MAP4: variants seen among roughly 807,000 people sequenced by gnomAD.
The protein encoded by MAP4 is microtubule associated protein 4, also known as microtubule-associated protein 4.
In MAP4, 76 loss-of-function variants were observed where a neutral mutation model predicts 170.2. The ratio of observed to expected loss-of-function variants is 0.45; its 90% CI spans 0.37 to 0.54. MAP4 has a LOEUF of 0.54. MAP4 is among the 20% of genes least tolerant of loss of function. The pLI is 0.00. For synonymous variants in MAP4, 909 were observed against 994.5 expected (o/e 0.91, Z 1.62); for missense variants, 2,506 against 2,748.0 (o/e 0.91, Z 1.97).
At chr3:47,999,115 T>C (rs1445845554) in intron 1 of MAP4, among the ~76,000 whole-genome samples, 1 of 151,308 alleles carries the variant, frequency 6.6e-6, no homozygotes, top group African/African-American at 2.4e-5. Flanking sequence ...TGGAGGGAGG[T>C]GGTGGTGGCA....
At chr3:47,861,317 T>A (rs1247332563) in intron 17 of MAP4, among the ~76,000 whole-genome samples, 1 of 151,372 alleles carries the variant, frequency 6.6e-6, no homozygotes, top group Non-Finnish European at 1.5e-5. Context: ...GATCGTGCCA[T>A]TGCACTCCAC....
rs2052133630 is a variant in MAP4 at position 47,854,893 on chromosome 3, A to T, written c.6696+355T>A. On this transcript the variant is annotated intron_variant, in intron 19 of 20. Transcript: ENST00000683076. ...GGGAACCCACATTCCCCTTGGCGCGAGACAGCTGGGGAGAACTGTGTGGTG... is the reference window on the plus strand; with the variant it reads ...GGGAACCCACATTCCCCTTGGCGCGTGACAGCTGGGGAGAACTGTGTGGTG... Among the ~76,000 whole-genome samples the T allele has an allele frequency of 2.0e-5, 3 of 152,236 alleles. No individual in the cohort carries two copies. The South Asian group carries it at 6.2e-4, about 31-fold the overall frequency.
At position 47,914,888 on chromosome 3, in the gene MAP4, G is replaced by T; in HGVS notation, c.1928C>A (p.Ser643Tyr). 1.2e-6 allele frequency: 2 copies of T among 1,614,106 alleles called. No individual in the cohort carries two copies. Among genetic ancestry groups the T allele is most frequent in the East Asian group, 4.5e-5 (2 of 44,868 alleles). Residue 643 changes from serine (S) to tyrosine (Y), a missense_variant, in exon 8 of 21, where the codon TCT becomes TAT. Physicochemically the swap from Ser to Tyr is moderately radical, Grantham distance 144. This residue lies in a region of MAP4 where 2,008 missense variants were observed against 2,206.0 expected (regional missense o/e 0.91). Coordinates refer to ENST00000683076, the MANE Select transcript of MAP4 (RefSeq NM_001385682.1). Reference protein sequence around the residue: ...KKCSLPAEEDSVLEKLGERKP... With the variant: ...KKCSLPAEEDYVLEKLGERKP... ...CCTTTCCCCTAGTTTTTCTAACACAGAATCCTCCTCGGCCGGCAAGCTGCA... is the reference window on the plus strand; with the variant it reads ...CCTTTCCCCTAGTTTTTCTAACACATAATCCTCCTCGGCCGGCAAGCTGCA...
chr3:48,081,195 C>G (rs1476320692), intron 1 of MAP4, among the ~76,000 whole-genome samples: 3 of 151,984 alleles, frequency 2.0e-5, no homozygotes, highest in Admixed American at 6.6e-5. Flanking sequence ...GAGGCTGAGG[C>G]AGGAGAATGG....
chr3:48,073,864 T>C (rs567148618), intron 1 of MAP4, among the ~76,000 whole-genome samples: 1 of 152,256 alleles, frequency 6.6e-6, no homozygotes, highest in South Asian at 2.1e-4. Flanking sequence ...GGTGGGACTG[T>C]AAAACTAGTT....
At chr3:47,918,256 T>A (rs1207091539) in intron 6 of MAP4, among the ~76,000 whole-genome samples, 1 of 152,166 alleles carries the variant, frequency 6.6e-6, no homozygotes, top group Non-Finnish European at 1.5e-5. Flanking sequence ...AGTGTTGGGA[T>A]TACAGGCGTG....
At chr3:47,978,302 G>A (rs552598270) in intron 2 of MAP4, among the ~76,000 whole-genome samples, 1 of 152,138 alleles carries the variant, frequency 6.6e-6, no homozygotes, top group Non-Finnish European at 1.5e-5. Flanking sequence ...CCAAGAACAC[G>A]AGGGCATTTG....
intron 1 of MAP4, among the ~76,000 whole-genome samples, chr3:48,080,537 T>C (rs1046411442): frequency 2.0e-5 from 3 of 152,342 alleles, no homozygotes; most frequent in East Asian, 1.9e-4. Flanking sequence ...GGATCAAGTA[T>C]AGCACTGGGA....
intron 1 of MAP4, among the ~76,000 whole-genome samples, chr3:48,001,522 GAA>G (rs1388778498): frequency 6.6e-6 from 1 of 152,082 alleles, no homozygotes; most frequent in Non-Finnish European, 1.5e-5. Context: ...AAATGTAGTA[GAA>G]AAGAGCTGTT....
chr3:47,922,820 C>T (rs940915474), intron 4 of MAP4, among the ~76,000 whole-genome samples: 5 of 152,228 alleles, frequency 3.3e-5, no homozygotes, highest in East Asian at 1.9e-4. Context: ...GAGGCCAAGG[C>T]GGGCGGATCA....
chr3:48,008,447 G>A (rs193143279), intron 1 of MAP4, among the ~76,000 whole-genome samples: 3 of 152,314 alleles, frequency 2.0e-5, no homozygotes, highest in Non-Finnish European at 2.9e-5. Flanking sequence ...GCAGAACTTC[G>A]AGCAGTGCAC....
In MAP4 at chr3:47,863,937, T is replaced by TGTGTGTGTGTGGGGGG. The variant is rs374208589; in HGVS notation, c.6501+3308_6501+3309insCCCCCCACACACACAC. ...GTGGGTGTGGGTGTGTGTGTGTGTG[T>TGTGTGTGTGTGGGGGG]GGGGAGTGGTGGGGGGTGTAATGCT... On this transcript the variant is annotated intron_variant, in intron 17 of 20. Coordinates refer to ENST00000683076, the MANE Select transcript of MAP4 (RefSeq NM_001385682.1). Among the ~76,000 whole-genome samples, 4 of 138,476 alleles carry TGTGTGTGTGTGGGGGG rather than the reference T, an allele frequency of 2.9e-5. No homozygotes were observed. The South Asian group carries it at 7.1e-4, about 25-fold the overall frequency. 90.8% of individuals were successfully genotyped at this position (138,476 alleles called of 152,430 possible).
At chr3:48,029,441 A>C (rs1007823283) in intron 1 of MAP4, among the ~76,000 whole-genome samples, 1 of 152,126 alleles carries the variant, frequency 6.6e-6, no homozygotes, top group African/African-American at 2.4e-5. Flanking sequence ...GTCTCTAAAT[A>C]AATAAATAAG....
At chr3:48,056,804 C>G in intron 1 of MAP4, among the ~76,000 whole-genome samples, 4 of 88,376 alleles carry the variant, frequency 4.5e-5, no homozygotes, top group South Asian at 4.0e-4. Context: ...GGGGGTCAGC[C>G]CCCCGCCCGG....
intron 1 of MAP4, among the ~76,000 whole-genome samples, chr3:48,073,486 C>CT (rs1308162280): frequency 3.3e-5 from 5 of 151,792 alleles, no homozygotes; most frequent in Non-Finnish European, 7.4e-5. Context: ...TGGCACATGC[C>CT]TGTAATCACA....
intron 1 of MAP4, among the ~76,000 whole-genome samples, chr3:48,084,375 G>A (rs370579946): frequency 1.4e-5 from 2 of 138,420 alleles, no homozygotes; most frequent in African/African-American, 5.4e-5. Flanking sequence ...GACAGAACAT[G>A]ATCTCATCTC....
chr3:47,926,032 T>A (rs2100045734), intron 4 of MAP4, among the ~76,000 whole-genome samples: 1 of 150,546 alleles, frequency 6.6e-6, no homozygotes, highest in South Asian at 2.1e-4. Context: ...TTTTTTATAT[T>A]TTTAGTAGAG....
intron 1 of MAP4, among the ~76,000 whole-genome samples, chr3:48,067,229 G>A (rs2100138774): frequency 6.6e-6 from 1 of 151,818 alleles, no homozygotes; most frequent in Non-Finnish European, 1.5e-5. Flanking sequence ...TCCATGCTCC[G>A]AAAATGTGCC....
chr3:47,919,608 G>A (rs560827385), intron 5 of MAP4, among the ~76,000 whole-genome samples: 7 of 152,208 alleles, frequency 4.6e-5, no homozygotes, highest in South Asian at 4.2e-4. Flanking sequence ...GCGCCCGGCC[G>A]ACAACGCAAA....
Sources: gnomAD v4.1 joint callset for allele counts (sites outside exome capture counted in the v4.1 genomes callset) on GRCh38, gnomAD v4.1.1 for gene constraint, gnomAD v4.1.1 regional missense constraint, MANE v1.5 for transcripts, NCBI Gene and HGNC (gene_info 2026-07-23, HGNC 2026-07-21) for gene names.